The following DOCK7 variants were observed in gnomAD, a reference collection of about 807,000 sequenced individuals.
DOCK7 encodes the protein dedicator of cytokinesis 7.
A neutral mutation model predicts 271.0 loss-of-function variants in DOCK7; 138 were observed. The observed-to-expected ratio is 0.51, with a 90% confidence interval of 0.44 to 0.59. The LOEUF (loss-of-function observed/expected upper bound fraction) is 0.59. Ranked by LOEUF, DOCK7 falls within the 20% of genes least tolerant of loss-of-function variation. The pLI is 0.00. For synonymous variants in DOCK7, 823 were observed against 876.1 expected, an observed-to-expected ratio of 0.94 and a Z score of 1.07; for missense variants, 2,066 against 2,592.4, an observed-to-expected ratio of 0.80 and a Z score of 4.41.
At chr1:62,684,276 G>C (rs922970655) in intron 1 of DOCK7, among the ~76,000 whole-genome samples, 14 of 151,762 alleles carry the variant, frequency 9.2e-5, no homozygotes, top group Admixed American at 9.2e-4. Flanking sequence ...GGCAAATACA[G>C]TTGCTGTTTT....
chr1:62,567,181 G>A (rs557259139), intron 18 of DOCK7, among the ~76,000 whole-genome samples: 16 of 152,284 alleles, frequency 1.1e-4, no homozygotes, highest in Admixed American at 3.3e-4. Flanking sequence ...ATTTGACCCT[G>A]CAATCCCATT....
intron 18 of DOCK7, among the ~76,000 whole-genome samples, chr1:62,568,278 A>T (rs1646593036): frequency 6.6e-6 from 1 of 152,070 alleles, no homozygotes; most frequent in Admixed American, 6.6e-5. Context: ...TATAGCACTA[A>T]AATGCCCACA....
chr1:62,514,667 T>C (rs924574235), intron 31 of DOCK7, among the ~76,000 whole-genome samples: 26 of 152,112 alleles, frequency 1.7e-4, no homozygotes, highest in African/African-American at 6.0e-4. Flanking sequence ...ATAATGATGA[T>C]GGCAAAAAAT....
chr1:62,518,386 A>G (rs969938932), intron 31 of DOCK7, among the ~76,000 whole-genome samples: 1 of 152,204 alleles, frequency 6.6e-6, no homozygotes, highest in African/African-American at 2.4e-5. Context: ...CCTGGCTAAC[A>G]TGGTGAAACC....
chr1:62,492,905 T>A, intron 40 of DOCK7, 58 bp from the exon 41 acceptor site: 2 of 1,427,398 alleles, frequency 1.4e-6, no homozygotes, highest in Admixed American at 2.0e-5. Context: ...CATAAAAATG[T>A]ATAAGAAGAA....
At chr1:62,555,691 T>C in intron 21 of DOCK7, 134 bp downstream of exon 21, 1 of 903,248 alleles carries the variant, frequency 1.1e-6, no homozygotes, top group Non-Finnish European at 1.6e-6. Context: ...GCACAGTGAA[T>C]GGTACTTAGC....
At chr1:62,652,583 T>C (rs1016586294) in intron 4 of DOCK7, among the ~76,000 whole-genome samples, 1 of 152,104 alleles carries the variant, frequency 6.6e-6, no homozygotes, top group African/African-American at 2.4e-5. Flanking sequence ...AGTAAACCCA[T>C]AAATGTTAAT....
intron 2 of DOCK7, among the ~76,000 whole-genome samples, chr1:62,662,686 A>G (rs562358955): frequency 1.3e-5 from 2 of 152,258 alleles, no homozygotes; most frequent in Admixed American, 1.3e-4. Flanking sequence ...ACTGGAACCC[A>G]GGAGGCGGAA....
At chr1:62,469,291 G>A (rs1007560846) in intron 48 of DOCK7, among the ~76,000 whole-genome samples, 2 of 152,050 alleles carry the variant, frequency 1.3e-5, no homozygotes, top group African/African-American at 2.4e-5. Flanking sequence ...ACTGATCTTC[G>A]ACAAAGCAAA....
At chr1:62,556,131 A>T in intron 20 of DOCK7, 142 bp from the exon 21 acceptor site, 1 of 837,900 alleles carries the variant, frequency 1.2e-6, no homozygotes, top group Non-Finnish European at 1.8e-6. Context: ...ACTATTTGAT[A>T]TTGACTTTTA....
intron 48 of DOCK7, among the ~76,000 whole-genome samples, chr1:62,465,060 CAG>C (rs1287854045): frequency 2.0e-5 from 3 of 152,070 alleles, no homozygotes; most frequent in Non-Finnish European, 2.9e-5. Flanking sequence ...AAAATGTAAA[CAG>C]ATGTAAAGAT....
At position 62,602,361 on chromosome 1, in the gene DOCK7, T is replaced by C. The variant is rs769889959; in HGVS notation, c.1683-15737A>G. ...ATGAAACGTGGGAGAACTACAAATA[T>C]GGTTTTGGGAGGCTTGATGGTAAGG... On this transcript the variant is annotated intron_variant, in intron 14 of 49. Transcript: ENST00000635253. The C allele has an allele frequency of 3.1e-6, 5 of 1,610,700 alleles. No homozygotes were observed. Among genetic ancestry groups the C allele is most frequent in the Middle Eastern group, 1.7e-4 (1 of 6,058 alleles).
intron 14 of DOCK7, among the ~76,000 whole-genome samples, chr1:62,596,230 C>T (rs1248978376): frequency 6.6e-6 from 1 of 152,084 alleles, no homozygotes; most frequent in African/African-American, 2.4e-5. Context: ...ATTACCCCAG[C>T]TTTACAGATG....
rs750877143 is a variant in DOCK7, at chr1:62,475,355, A to G, written c.5962-4T>C. 2 of 1,613,708 alleles carry G rather than the reference A, an allele frequency of 1.2e-6. No individual in the cohort carries two copies. Reference sequence around the variant, plus strand: ...CTTCAATTGGTGTTAAGATGATCTGAGTAAAAGAGCATCTGTTAAATCAGT... The same window carrying G: ...CTTCAATTGGTGTTAAGATGATCTGGGTAAAAGAGCATCTGTTAAATCAGT... On this transcript the variant is annotated splice_polypyrimidine_tract_variant and splice_region_variant and intron_variant, in intron 46 of 49. Coordinates refer to ENST00000635253, the MANE Select transcript of DOCK7 (RefSeq NM_001367561.1).
intron 16 of DOCK7, among the ~76,000 whole-genome samples, 191 bp downstream of exon 16, chr1:62,582,993 G>C (rs980803591): frequency 2.0e-5 from 3 of 152,176 alleles, no homozygotes; most frequent in Non-Finnish European, 4.4e-5. Flanking sequence ...AAGATGTTTG[G>C]TGTACAAAGT....
intron 12 of DOCK7, chr1:62,624,973 GA>G: frequency 1.1e-5 from 2 of 189,462 alleles, no homozygotes; most frequent in East Asian, 1.3e-4. Context: ...TCTGTCTCAA[GA>G]AAAAAAAACA....
At chr1:62,505,649 G>A (rs781619486) in intron 36 of DOCK7, 33 bp downstream of exon 36, 5 of 1,578,542 alleles carry the variant, frequency 3.2e-6, no homozygotes, top group Non-Finnish European at 2.6e-6. Flanking sequence ...AAAAAACAAA[G>A]TCTGACAACA....
chr1:62,605,919 T>G (rs193064039), intron 14 of DOCK7: 9 of 152,178 alleles, frequency 5.9e-5, no homozygotes, highest in Non-Finnish European at 1.3e-4. Flanking sequence ...AATATGATTT[T>G]TTAAAACTGC....
chr1:62,467,887 T>C (rs895151705), intron 48 of DOCK7, among the ~76,000 whole-genome samples: 3 of 152,012 alleles, frequency 2.0e-5, no homozygotes, highest in African/African-American at 7.3e-5. Flanking sequence ...TCCAACAGCA[T>C]AGCAAAAAGA....
Sources: allele counts gnomAD v4.1 joint callset (sites outside exome capture counted in the v4.1 genomes callset), GRCh38; gene constraint gnomAD v4.1.1; transcripts MANE v1.5; gene names NCBI Gene and HGNC (gene_info 2026-07-23, HGNC 2026-07-21).